Variants in PURG observed in about 807,000 individuals in gnomAD.
The protein encoded by PURG is purine-rich element-binding protein gamma.
In PURG, 3 loss-of-function variants were observed where a neutral mutation model predicts 24.3. The ratio of observed to expected loss-of-function variants is 0.12; its 90% CI spans 0.06 to 0.32. The LOEUF is 0.32. PURG is among the 10% of genes least tolerant of loss of function. The probability of loss-of-function intolerance (pLI) is 1.00; values close to 1 mark genes in which losing one functional copy is unlikely to be tolerated. For synonymous variants in PURG, 180 were observed against 173.1 expected (o/e 1.04, Z -0.31); for missense variants, 371 against 439.1 (o/e 0.84, Z 1.39).
intron 1 of PURG, among the ~76,000 whole-genome samples, chr8:31,024,210 G>C (rs1443103630): frequency 6.6e-6 from 1 of 152,058 alleles, no homozygotes. Context: ...GTTCCGTTGG[G>C]TATCATCACA....
intron 1 of PURG, among the ~76,000 whole-genome samples, chr8:31,008,655 G>A (rs1431647873): frequency 6.6e-6 from 1 of 152,096 alleles, no homozygotes; most frequent in Admixed American, 6.6e-5. Context: ...GTGAGGGCAG[G>A]GAACTTTATG....
At chr8:31,014,736 T>C (rs1284771615) in intron 1 of PURG, among the ~76,000 whole-genome samples, 1 of 152,206 alleles carries the variant, frequency 6.6e-6, no homozygotes, top group Non-Finnish European at 1.5e-5. Flanking sequence ...TAAAACAGTC[T>C]TAGAATGTAG....
In PURG at chr8:30,996,535, A is replaced by C; in HGVS notation, c.*58T>G. 2 of 1,311,276 alleles carry C rather than the reference A, an allele frequency of 1.5e-6. 1 individual carries two copies. The highest frequency in any genetic ancestry group is 2.5e-5 in the South Asian group (2 of 79,412). The allele number at this position is 1,311,276 out of a possible 1,614,324, so 81.2% of individuals were successfully genotyped here. A position where few individuals can be genotyped will look rare whatever the true frequency, so the allele number is the denominator to read the frequency against. On this transcript the variant is annotated 3_prime_UTR_variant, in exon 2 of 2. Coordinates refer to the PURG transcript ENST00000339382. ...AGGCCTTACATTCATGATGAACTTCAGTTCATTTCTTTCACCGAATGCCTT... is the reference window on the plus strand; with the variant it reads ...AGGCCTTACATTCATGATGAACTTCCGTTCATTTCTTTCACCGAATGCCTT...
At chr8:31,022,168 A>G (rs1462734806) in intron 1 of PURG, among the ~76,000 whole-genome samples, 3 of 152,042 alleles carry the variant, frequency 2.0e-5, no homozygotes, top group Admixed American at 2.0e-4. Context: ...ACGGAGTTTA[A>G]CCATGTTGGT....
At chr8:30,998,795 T>G (rs1029201814) in intron 1 of PURG, among the ~76,000 whole-genome samples, 1 of 151,812 alleles carries the variant, frequency 6.6e-6, no homozygotes, top group East Asian at 1.9e-4. Flanking sequence ...AACAGGGCCA[T>G]CATTTTATCC....
At chr8:30,997,100 T>C (rs1222681903) in intron 1 of PURG, among the ~76,000 whole-genome samples, 1 of 151,858 alleles carries the variant, frequency 6.6e-6, no homozygotes, top group African/African-American at 2.4e-5. Context: ...CAATTTTATG[T>C]TGTATATATT....
In PURG at chr8:31,031,907, C is replaced by T; in HGVS notation, c.876G>A (p.Val292=). ...KYGIFLKVSE[V]RPPYRNTITV... The stretch of plus-strand genomic sequence containing the variant: ...TAATAGTATTACGGTAAGGTGGTCT[C>T]ACCTCACTTACCTTCAGGAAAATTC... The change falls in exon 2 of 2, where the codon GTG becomes GTA. Residue 292 remains valine, a synonymous_variant. Coordinates refer to ENST00000523392, the MANE Select transcript of PURG (RefSeq NM_001323311.2). 6.2e-7 allele frequency: 1 copy of T among 1,614,150 alleles called. No homozygotes were observed. Among genetic ancestry groups the T allele is most frequent in the Non-Finnish European group, 8.5e-7 (1 of 1,180,028 alleles).
intron 1 of PURG, among the ~76,000 whole-genome samples, chr8:31,024,750 T>C (rs188036055): frequency 6.6e-6 from 1 of 152,238 alleles, no homozygotes; most frequent in Admixed American, 6.5e-5. Flanking sequence ...ATCCTGACTT[T>C]AATCAGATCA....
chr8:31,031,576 T>C lies in PURG; in HGVS notation c.*163A>G. On this transcript the variant is annotated 3_prime_UTR_variant, in exon 2 of 2. Coordinates refer to ENST00000523392, the MANE Select transcript of PURG (RefSeq NM_001323311.2). ...CCCGTAAGAATTATAGTGATCTATGTGTAACATAACATGAGAATCAGACTT... is the reference window on the plus strand; with the variant it reads ...CCCGTAAGAATTATAGTGATCTATGCGTAACATAACATGAGAATCAGACTT... 1.5e-6 allele frequency: 1 copy of C among 665,910 alleles called. No homozygotes were observed. The highest frequency in any genetic ancestry group is 2.9e-5 in the Admixed American group (1 of 34,106). The allele number at this position is 665,910 out of a possible 1,614,324, so 41.3% of individuals were successfully genotyped here.
exon 2 of PURG, chr8:30,996,435 C>T: frequency 1.9e-6 from 1 of 515,396 alleles, no homozygotes; most frequent in Non-Finnish European, 3.4e-6. Flanking sequence ...AATTATTCAA[C>T]ATAAGATCAG....
intron 1 of PURG, among the ~76,000 whole-genome samples, chr8:31,005,341 G>A (rs1810619881): frequency 6.6e-6 from 1 of 151,864 alleles, no homozygotes; most frequent in African/African-American, 2.4e-5. Context: ...GCTGAGGCAT[G>A]AGAATTGCTT....
In PURG at chr8:31,032,310, G is replaced by T; in HGVS notation, c.473C>A (p.Pro158Gln). Residue 158 changes from proline (P) to glutamine (Q), a missense_variant, in exon 2 of 2, where the codon CCA becomes CAA. This residue lies in a region of PURG where 213 missense variants were observed against 230.6 expected (regional missense o/e 0.92). Transcript: ENST00000523392. This position sits in a 1 kb window ranked among gnomAD's most constrained non-coding sequence, Gnocchi z 5.9. ...RRQKHSAPSP[P>Q]VSVGSEEHPH... ...ATGCTCTTCGGACCCCACCGAGACTGGTGGGGAGGGTGCCGAGTGCTTCTG... is the reference window on the plus strand; with the variant it reads ...ATGCTCTTCGGACCCCACCGAGACTTGTGGGGAGGGTGCCGAGTGCTTCTG... 6.2e-7 allele frequency: 1 copy of T among 1,612,796 alleles called. No homozygotes were observed. Among genetic ancestry groups the T allele is most frequent in the Non-Finnish European group, 8.5e-7 (1 of 1,180,008 alleles).
intron 1 of PURG, among the ~76,000 whole-genome samples, chr8:31,013,916 G>A (rs1435036496): frequency 3.9e-5 from 6 of 152,042 alleles, no homozygotes; most frequent in Non-Finnish European, 8.8e-5. Flanking sequence ...AGTGAGAGGA[G>A]CGCTGAAAAC....
intron 1 of PURG, among the ~76,000 whole-genome samples, chr8:31,020,476 A>G (rs1175025436): frequency 3.9e-5 from 6 of 152,226 alleles, no homozygotes; most frequent in Admixed American, 3.9e-4. Flanking sequence ...TTTATATACT[A>G]TAATTACAAA....
chr8:31,023,404 G>A (rs1274268793), intron 1 of PURG, among the ~76,000 whole-genome samples: 1 of 152,096 alleles, frequency 6.6e-6, no homozygotes, highest in African/African-American at 2.4e-5. Flanking sequence ...GGCACTAAAA[G>A]AGAGGTCTAG....
At chr8:31,030,522 T>G (rs1423946660), downstream of PURG, among the ~76,000 whole-genome samples, 1 of 151,916 alleles carries the variant, frequency 6.6e-6, no homozygotes, top group African/African-American at 2.4e-5. Flanking sequence ...GGTAAATGGG[T>G]GAGTCTTGTG....
chr8:31,028,591 C>G (rs763568179), downstream of PURG, among the ~76,000 whole-genome samples: 6 of 151,912 alleles, frequency 3.9e-5, no homozygotes, highest in Non-Finnish European at 8.9e-5. Flanking sequence ...TTTGGCCATG[C>G]TCTTTAGTGC....
exon 2 of PURG, chr8:30,996,614 A>G: frequency 1.2e-6 from 2 of 1,609,152 alleles, no homozygotes; most frequent in Non-Finnish European, 1.7e-6. Flanking sequence ...CTGTTTTTGT[A>G]GTATCATGGG....
At chr8:31,030,664 C>T (rs1010381165), downstream of PURG, among the ~76,000 whole-genome samples, 4 of 151,554 alleles carry the variant, frequency 2.6e-5, no homozygotes, top group Admixed American at 2.6e-4. Flanking sequence ...AAAAAATCCC[C>T]ACCCCCTCCA....
Sources: gnomAD v4.1 joint callset for allele counts (sites outside exome capture counted in the v4.1 genomes callset) on GRCh38, gnomAD v4.1.1 for gene constraint, gnomAD v4.1.1 regional missense constraint, Gnocchi (gnomAD v3.1) non-coding constraint, MANE v1.5 for transcripts, NCBI Gene and HGNC (gene_info 2026-07-23, HGNC 2026-07-21) for gene names.